CNTN5: variants seen among roughly 807,000 people sequenced by gnomAD.
CNTN5 encodes the protein contactin-5.
CNTN5 carries 77 observed loss-of-function variants against 129.1 expected under a neutral mutation model. That is an observed-to-expected ratio of 0.60 (90% CI 0.50 to 0.72). The LOEUF is 0.72. Ranked by LOEUF, CNTN5 falls within the 30% of genes least tolerant of loss-of-function variation. CNTN5 has a pLI of 0.00. For synonymous variants in CNTN5, 509 were observed against 465.6 expected, an observed-to-expected ratio of 1.09 and a Z score of -1.20; for missense variants, 1,478 against 1,328.8, an observed-to-expected ratio of 1.11 and a Z score of -1.75.
chr11:99,149,910 A>G (rs1230159317), intron 1 of CNTN5, among the ~76,000 whole-genome samples: 1 of 152,112 alleles, frequency 6.6e-6, no homozygotes, highest in Non-Finnish European at 1.5e-5. Flanking sequence ...CTATATATCT[A>G]TCTCCCTCAC....
At chr11:100,054,794 A>G (rs1462355462) in intron 9 of CNTN5, among the ~76,000 whole-genome samples, 1 of 151,744 alleles carries the variant, frequency 6.6e-6, no homozygotes, top group Non-Finnish European at 1.5e-5. Flanking sequence ...ATACATTTAT[A>G]TCTCATTCAT....
chr11:100,138,240 G>A (rs916834424), intron 13 of CNTN5, among the ~76,000 whole-genome samples: 12 of 124,858 alleles, frequency 9.6e-5, no homozygotes, highest in African/African-American at 4.4e-4. Flanking sequence ...ATATAGTCCT[G>A]GCACTAAGGA....
intron 8 of CNTN5, among the ~76,000 whole-genome samples, chr11:99,995,174 A>G (rs902625412): frequency 6.6e-6 from 1 of 152,168 alleles, no homozygotes; most frequent in Non-Finnish European, 1.5e-5. Flanking sequence ...ATTCCCTTCT[A>G]TGTCCTCAGT....
chr11:99,551,903 G>A (rs555010944), intron 2 of CNTN5, among the ~76,000 whole-genome samples: 1 of 150,294 alleles, frequency 6.7e-6, no homozygotes, highest in South Asian at 2.1e-4. Context: ...GAAACACTGA[G>A]TTTTTTCTTT....
At chr11:99,055,525 A>T (rs1018266202) in intron 1 of CNTN5, among the ~76,000 whole-genome samples, 3 of 151,898 alleles carry the variant, frequency 2.0e-5, no homozygotes, top group Non-Finnish European at 4.4e-5. Context: ...AGACGTGCCC[A>T]TTGGCTTTGG....
intron 9 of CNTN5, among the ~76,000 whole-genome samples, chr11:100,049,936 C>T (rs1165390146): frequency 1.3e-5 from 2 of 152,152 alleles, no homozygotes; most frequent in Admixed American, 6.5e-5. Context: ...TACCATCTCA[C>T]ACCAGTTAGA....
At chr11:99,928,239 G>A (rs975467180) in intron 7 of CNTN5, among the ~76,000 whole-genome samples, 1 of 152,158 alleles carries the variant, frequency 6.6e-6, no homozygotes, top group Non-Finnish European at 1.5e-5. Flanking sequence ...GGCATTGTTT[G>A]TAGCTTTTCA....
In CNTN5 at chr11:99,461,201, T is replaced by G. The variant is rs1013727895; in HGVS notation, c.-70-94944T>G. Among the ~76,000 whole-genome samples, 3 of 152,094 alleles carry G rather than the reference T, an allele frequency of 2.0e-5. No individual in the cohort carries two copies. In the East Asian group the frequency reaches 5.8e-4, roughly 29 times the overall value. On this transcript the variant is annotated intron_variant, in intron 2 of 24. Transcript: ENST00000524871. ...AACAGAAAGCAGATCAGTAGTTGACTGGGATTCGGGGAAGGTATAAGTAGG... is the reference window on the plus strand; with the variant it reads ...AACAGAAAGCAGATCAGTAGTTGACGGGGATTCGGGGAAGGTATAAGTAGG...
chr11:99,072,663 A>G (rs188794429), intron 1 of CNTN5, among the ~76,000 whole-genome samples: 1 of 152,126 alleles, frequency 6.6e-6, no homozygotes, highest in South Asian at 2.1e-4. Context: ...GTTGCTGATT[A>G]TTATATGCTT....
intron 13 of CNTN5, among the ~76,000 whole-genome samples, chr11:100,149,502 G>A (rs1281809806): frequency 6.6e-6 from 1 of 152,206 alleles, no homozygotes; most frequent in East Asian, 1.9e-4. Flanking sequence ...AAGGAAAAGT[G>A]TTTGCTTTTA....
chr11:99,361,005 T>C (rs921372912), intron 2 of CNTN5, among the ~76,000 whole-genome samples: 1 of 152,218 alleles, frequency 6.6e-6, no homozygotes, highest in Non-Finnish European at 1.5e-5. Flanking sequence ...CAAGAATTTC[T>C]GCTTTCCATA....
intron 13 of CNTN5, among the ~76,000 whole-genome samples, chr11:100,117,819 T>G (rs1945888607): frequency 6.6e-6 from 1 of 151,754 alleles, no homozygotes; most frequent in Non-Finnish European, 1.5e-5. Context: ...GTGGATAACA[T>G]TTACTTGAAT....
chr11:100,013,421 A>C (rs1310836648), intron 9 of CNTN5, among the ~76,000 whole-genome samples: 1 of 152,200 alleles, frequency 6.6e-6, no homozygotes, highest in African/African-American at 2.4e-5. Context: ...CACCAGGTAC[A>C]TAATCTTGAC....
chr11:99,922,829 A>G lies in CNTN5; in HGVS notation c.673+6680A>G, dbSNP rs1949971520. On this transcript the variant is annotated intron_variant, in intron 7 of 24. Coordinates refer to ENST00000524871, the MANE Select transcript of CNTN5 (RefSeq NM_014361.4). ...TCCTTACTAGGTGTTCATTAAACGC[A>G]TGTTAAATAACTGAGTGAAATGCAG... Among the ~76,000 whole-genome samples the G allele has an allele frequency of 2.0e-5, 3 of 152,204 alleles. No homozygotes were observed. The South Asian group carries it at 6.2e-4, about 31-fold the overall frequency.
Position 99,790,507 on chromosome 11 carries a change from C to CT in CNTN5, c.56-29031dup, listed in dbSNP as rs1945702244. On this transcript the variant is annotated intron_variant, in intron 3 of 24. Coordinates refer to ENST00000524871, the MANE Select transcript of CNTN5 (RefSeq NM_014361.4). ...TTGCTACAAAAGACATAGTAACATA[C>CT]TTTTTTATTGCAGCTTAGTGTTCTA... Among the ~76,000 whole-genome samples, 4 of 152,158 alleles carry CT rather than the reference C, an allele frequency of 2.6e-5. No individual in the cohort carries two copies. The East Asian group carries it at 7.7e-4, about 29-fold the overall frequency.
At chr11:100,338,231 T>C (rs1280859075) in intron 21 of CNTN5, among the ~76,000 whole-genome samples, 1 of 152,202 alleles carries the variant, frequency 6.6e-6, no homozygotes, top group Non-Finnish European at 1.5e-5. Flanking sequence ...CTGAGGTTGG[T>C]TAAGGTTCTT....
chr11:99,568,630 T>C (rs1218387025), intron 3 of CNTN5, among the ~76,000 whole-genome samples: 1 of 152,244 alleles, frequency 6.6e-6, no homozygotes, highest in Non-Finnish European at 1.5e-5. Flanking sequence ...ATAAGTGCGA[T>C]GCAGAATGCA....
intron 2 of CNTN5, among the ~76,000 whole-genome samples, chr11:99,503,710 A>G (rs1209697772): frequency 6.6e-6 from 1 of 152,224 alleles, no homozygotes; most frequent in Admixed American, 6.5e-5. Flanking sequence ...GATAATTGAC[A>G]TATAGATGGG....
intron 6 of CNTN5, among the ~76,000 whole-genome samples, chr11:99,881,295 T>C (rs1391114929): frequency 1.3e-5 from 2 of 152,180 alleles, no homozygotes; most frequent in African/African-American, 4.8e-5. Context: ...TTTTTAAGTT[T>C]TGACAGTTGA....
Sources: allele counts gnomAD v4.1 joint callset (sites outside exome capture counted in the v4.1 genomes callset), GRCh38; gene constraint gnomAD v4.1.1; transcripts MANE v1.5; gene names NCBI Gene and HGNC (gene_info 2026-07-23, HGNC 2026-07-21).